CCDC7: variants seen among roughly 807,000 people sequenced by gnomAD.
CCDC7 encodes the protein coiled-coil domain containing 7.
CCDC7 carries 183 observed loss-of-function variants against 196.9 expected under a neutral mutation model. The ratio of observed to expected loss-of-function variants is 0.93; its 90% confidence interval spans 0.82 to 1.05. CCDC7 has a LOEUF of 1.05. CCDC7 is among the 50% of genes least tolerant of loss of function. The pLI, the probability that CCDC7 is intolerant of heterozygous loss-of-function variation, is 0.00. For missense variants in CCDC7, 1,540 were observed against 1,482.2 expected, an observed-to-expected ratio of 1.04 and a Z score of -0.64; for synonymous variants, 525 against 484.6, an observed-to-expected ratio of 1.08 and a Z score of -1.10.
At chr10:32,517,894 T>A (rs756662046) in intron 9 of CCDC7, 51 bp from the exon 11 acceptor site, 1 of 1,557,848 alleles carries the variant, frequency 6.4e-7, no homozygotes, top group South Asian at 1.2e-5. Flanking sequence ...TTTCATAAAT[T>A]AAAATATAAA....
chr10:32,669,391 G>A (rs963296576), intron 21 of CCDC7, among the ~76,000 whole-genome samples: 1 of 152,016 alleles, frequency 6.6e-6, no homozygotes, highest in Admixed American at 6.6e-5. Context: ...AGTAATGCTG[G>A]CCTCCTAAAA....
chr10:32,742,782 T>A (rs1043366555), intron 28 of CCDC7, among the ~76,000 whole-genome samples: 5 of 152,184 alleles, frequency 3.3e-5, no homozygotes, highest in Admixed American at 6.5e-5. Flanking sequence ...TAGTCTTTCT[T>A]TTAAGGCCAC....
intron 40 of CCDC7, among the ~76,000 whole-genome samples, chr10:32,852,232 C>T (rs572433397): frequency 1.4e-4 from 22 of 152,200 alleles, no homozygotes; most frequent in African/African-American, 5.1e-4. Context: ...ATTTTATAAC[C>T]TCTTTCTTAT....
intron 5 of CCDC7, among the ~76,000 whole-genome samples, chr10:32,465,183 T>A (rs1000333861): frequency 2.6e-5 from 4 of 151,896 alleles, no homozygotes; most frequent in African/African-American, 9.7e-5. Flanking sequence ...ACTCTTTCCT[T>A]GTAAGAGACA....
intron 13 of CCDC7, among the ~76,000 whole-genome samples, chr10:32,559,389 CT>C (rs1419528540): frequency 6.6e-6 from 1 of 152,270 alleles, no homozygotes; most frequent in Non-Finnish European, 1.5e-5. Flanking sequence ...TGCCTGACCC[CT>C]GACCCCAGAG....
chr10:32,568,262 C>T (rs2057136340), intron 15 of CCDC7, among the ~76,000 whole-genome samples: 1 of 152,086 alleles, frequency 6.6e-6, no homozygotes, highest in Non-Finnish European at 1.5e-5. Flanking sequence ...GCCTCGGCCT[C>T]CCAAAGTGCT....
chr10:32,847,721 A>C (rs1017865865), intron 37 of CCDC7, 112 bp from the exon 39 acceptor site: 2 of 684,428 alleles, frequency 2.9e-6, no homozygotes, highest in East Asian at 5.7e-5. Context: ...TCTCTAAAAA[A>C]AAAAAGGAAA....
At position 32,876,330 on chromosome 10, in the gene CCDC7, A is replaced by G. The variant is rs770849373; in HGVS notation, c.4112-17A>G. 4 of 1,601,732 alleles carry G rather than the reference A, an allele frequency of 2.5e-6. No individual in the cohort carries two copies. Among genetic ancestry groups the G allele is most frequent in the Non-Finnish European group, 3.4e-6 (4 of 1,172,034 alleles). ...AATTAAACTTTTTTTCAATTAACAC[A>G]TAACTTTTCTTTAAAGTGTTACATG... On this transcript the variant is annotated splice_polypyrimidine_tract_variant and intron_variant, in intron 41 of 41. Coordinates refer to ENST00000639629, the Ensembl canonical transcript of CCDC7.
chr10:32,631,687 A>G (rs921492702), intron 18 of CCDC7, among the ~76,000 whole-genome samples: 1 of 148,524 alleles, frequency 6.7e-6, no homozygotes, highest in Non-Finnish European at 1.5e-5. Flanking sequence ...AAAAAAAAAC[A>G]CTAATTGGTA....
intron 5 of CCDC7, 34 bp downstream of exon 6, chr10:32,463,083 A>G: frequency 6.2e-7 from 1 of 1,609,922 alleles, no homozygotes; most frequent in East Asian, 2.2e-5. Flanking sequence ...TTAAGTTAAT[A>G]TTTTTTAACT....
chr10:32,741,869 C>T (rs544787452), intron 28 of CCDC7, among the ~76,000 whole-genome samples: 14 of 152,212 alleles, frequency 9.2e-5, no homozygotes, highest in East Asian at 7.7e-4. Flanking sequence ...TCAACATACA[C>T]GTTACACATT....
At chr10:32,660,704 G>A (rs879268427) in intron 20 of CCDC7, among the ~76,000 whole-genome samples, 20 of 150,596 alleles carry the variant, frequency 1.3e-4, no homozygotes, top group Admixed American at 3.3e-4. Context: ...TGACAAACCT[G>A]AGAAAAACAA....
At chr10:32,617,449 G>A (rs1829545) in intron 18 of CCDC7, among the ~76,000 whole-genome samples, 13,014 of 151,358 alleles carry the variant, frequency 0.086, 878 homozygotes, top group South Asian at 0.25. Context: ...TCTTAGCCCC[G>A]CTTTTGCTGT....
intron 28 of CCDC7, among the ~76,000 whole-genome samples, chr10:32,751,683 A>G (rs2075681658): frequency 6.6e-6 from 1 of 152,112 alleles, no homozygotes; most frequent in South Asian, 2.1e-4. Context: ...AGTCATAGTA[A>G]CCAAGACTTC....
intron 18 of CCDC7, among the ~76,000 whole-genome samples, chr10:32,589,598 T>C (rs184015305): frequency 2.0e-5 from 3 of 152,086 alleles, no homozygotes; most frequent in Admixed American, 2.0e-4. Context: ...GTACGAGATT[T>C]CTTTGTTGAT....
chr10:32,685,985 C>T (rs751725359), exon 22 of CCDC7: 1 of 1,565,512 alleles, frequency 6.4e-7, no homozygotes, highest in South Asian at 1.2e-5. Context: ...AATGAAGTAC[C>T]AAATGAAAGG....
chr10:32,616,546 A>G (rs913187391), intron 18 of CCDC7, among the ~76,000 whole-genome samples: 4 of 149,160 alleles, frequency 2.7e-5, no homozygotes, highest in African/African-American at 1.0e-4. Flanking sequence ...TATCAAATCT[A>G]AGAGGTTTTT....
At chr10:32,576,864 T>C (rs2058257782) in intron 16 of CCDC7, among the ~76,000 whole-genome samples, 1 of 152,130 alleles carries the variant, frequency 6.6e-6, no homozygotes, top group South Asian at 2.1e-4. Context: ...TGTTCCTTCA[T>C]AGCGGGATGG....
At chr10:32,590,744 G>T (rs1267005172) in intron 18 of CCDC7, among the ~76,000 whole-genome samples, 3 of 152,016 alleles carry the variant, frequency 2.0e-5, no homozygotes, top group Admixed American at 2.0e-4. Flanking sequence ...AGCATATTTT[G>T]CCAGATATAA....
Sources: gnomAD v4.1 joint callset for allele counts (sites outside exome capture counted in the v4.1 genomes callset) on GRCh38, gnomAD v4.1.1 for gene constraint, MANE v1.5 for transcripts, NCBI Gene and HGNC (gene_info 2026-07-23, HGNC 2026-07-21) for gene names.